ARHGEF7: variants seen among roughly 807,000 people sequenced by gnomAD.
The protein encoded by ARHGEF7 is PAK-interacting exchange factor beta.
A neutral mutation model predicts 109.8 loss-of-function variants in ARHGEF7; 33 were observed. The ratio of observed to expected loss-of-function variants is 0.30; its 90% CI spans 0.23 to 0.40. ARHGEF7 has a LOEUF of 0.40. Among genes scored for constraint, ARHGEF7 ranks in the 10% least tolerant of loss-of-function variants. ARHGEF7 has a pLI of 1.00. For missense variants in ARHGEF7, 938 were observed against 1,098.5 expected, an observed-to-expected ratio of 0.85 and a Z score of 2.07; for synonymous variants, 458 against 424.6, an observed-to-expected ratio of 1.08 and a Z score of -0.97.
In ARHGEF7 at chr13:111,204,251, G is replaced by A. The variant is rs150466115; in HGVS notation, c.253-1038G>A. Among the ~76,000 whole-genome samples the A allele has an allele frequency of 9.1e-4, 139 of 152,274 alleles. 2 individuals are homozygous for A. The East Asian group carries it at 0.022, about 24-fold the overall frequency. Reference sequence around the variant, plus strand: ...GAGGGCAGGACTGACAGGAGGAGACGACAGCCCTGGAGAGAAGGTGGGGCC... The same window carrying A: ...GAGGGCAGGACTGACAGGAGGAGACAACAGCCCTGGAGAGAAGGTGGGGCC... On this transcript the variant is annotated intron_variant, in intron 2 of 21. Coordinates refer to ENST00000646102, the MANE Select transcript of ARHGEF7 (RefSeq NM_001354046.2).
chr13:111,145,828 C>T lies in ARHGEF7; in HGVS notation c.166-8077C>T, dbSNP rs1032336585. ...ACGGGCTGTGTAGTTTTGGACCTGA[C>T]ATTTCAGCTGTCTGAGTCCCTGTTT... On this transcript the variant is annotated intron_variant, in intron 1 of 21. Transcript: ENST00000646102. This position sits in a 1 kb window ranked among gnomAD's most constrained non-coding sequence, Gnocchi z 4.3. Among the ~76,000 whole-genome samples the T allele has an allele frequency of 1.3e-5, 2 of 152,238 alleles. No individual in the cohort carries two copies. Among genetic ancestry groups the T allele is most frequent in the Admixed American group, 6.5e-5 (1 of 15,288 alleles).
In ARHGEF7 at chr13:111,280,280, T is replaced by A. The variant is rs762067247; in HGVS notation, c.1515T>A (p.Leu505=). The change falls in exon 14 of 22, where the codon CTT becomes CTA. Residue 505 remains leucine (L), a synonymous_variant. Coordinates refer to ENST00000646102, the MANE Select transcript of ARHGEF7 (RefSeq NM_001354046.2). ...RMSGFIYQGK[L]PTTGMTITKL... ...GGGGGGGTCTTTTTTAGGGAAAGCT[T>A]CCAACGACAGGAATGACAATCACAA... The A allele has an allele frequency of 6.2e-7, 1 of 1,611,740 alleles. No homozygotes were observed. The highest frequency in any genetic ancestry group is 1.1e-5 in the South Asian group (1 of 90,184).
intron 2 of ARHGEF7, among the ~76,000 whole-genome samples, chr13:111,200,979 G>T (rs1389142753): frequency 6.6e-6 from 1 of 152,014 alleles, no homozygotes; most frequent in East Asian, 1.9e-4. Context: ...TCTTTGGCTC[G>T]GGGGGGATTT....
intron 8 of ARHGEF7, among the ~76,000 whole-genome samples, chr13:111,253,640 G>C (rs2090059015): frequency 6.6e-6 from 1 of 152,144 alleles, no homozygotes. Context: ...AATAGTGAGG[G>C]TGCCTGGATC....
At chr13:111,192,481 C>T (rs1385409171) in intron 2 of ARHGEF7, among the ~76,000 whole-genome samples, 5 of 151,458 alleles carry the variant, frequency 3.3e-5, no homozygotes, top group Non-Finnish European at 5.9e-5. Flanking sequence ...TGAAGTAGGA[C>T]GTCATTTGTG....
At chr13:111,253,121 T>A (rs552446591) in intron 8 of ARHGEF7, among the ~76,000 whole-genome samples, 1 of 152,258 alleles carries the variant, frequency 6.6e-6, no homozygotes. Flanking sequence ...AGATAGTGAG[T>A]GCTCTCTCAG....
Position 111,142,807 on chromosome 13 carries a change from T to A in ARHGEF7, c.166-11098T>A, listed in dbSNP as rs539967651. On this transcript the variant is annotated intron_variant, in intron 1 of 21. Coordinates refer to ENST00000646102, the MANE Select transcript of ARHGEF7 (RefSeq NM_001354046.2). ...CCTCTCCAAAATGAGCCTGCCTCTTTGCATGCCTTCAAATCCCCCACAAGT... is the reference window on the plus strand; with the variant it reads ...CCTCTCCAAAATGAGCCTGCCTCTTAGCATGCCTTCAAATCCCCCACAAGT... Among the ~76,000 whole-genome samples the A allele has an allele frequency of 2.2e-3, 334 of 152,360 alleles. 1 individual carries two copies. Among genetic ancestry groups the A allele is most frequent in the African/African-American group, 7.1e-3 (296 of 41,586 alleles).
At chr13:111,221,637 TC>T (rs1217801964) in intron 5 of ARHGEF7, among the ~76,000 whole-genome samples, 1 of 95,076 alleles carries the variant, frequency 1.1e-5, no homozygotes, top group African/African-American at 3.8e-5. Flanking sequence ...TATATGTATC[TC>T]CCCTTTATAT....
chr13:111,274,583 T>C, intron 10 of ARHGEF7, 148 bp from the exon 11 acceptor site: 1 of 424,908 alleles, frequency 2.4e-6, no homozygotes, highest in Non-Finnish European at 4.1e-6. Flanking sequence ...CGTGATTTGC[T>C]GAAAGACTGA....
intron 8 of ARHGEF7, among the ~76,000 whole-genome samples, chr13:111,248,256 C>G (rs185274585): frequency 1.3e-5 from 2 of 152,042 alleles, no homozygotes; most frequent in Admixed American, 1.3e-4. Context: ...TTGATTGTAT[C>G]TGATGATGAC....
intron 13 of ARHGEF7, among the ~76,000 whole-genome samples, chr13:111,279,887 A>T (rs1006928647): frequency 1.3e-5 from 2 of 152,196 alleles, no homozygotes; most frequent in Non-Finnish European, 2.9e-5. Context: ...TTTCTTTACG[A>T]GGAAAATACA....
intron 16 of ARHGEF7, 124 bp downstream of exon 16, chr13:111,283,487 G>C: frequency 7.1e-7 from 1 of 1,411,500 alleles, no homozygotes; most frequent in Non-Finnish European, 9.3e-7. Flanking sequence ...GAACTGAGAA[G>C]GGGGGGTCTG....
At chr13:111,162,068 C>CTT (rs1463218162) in intron 2 of ARHGEF7, among the ~76,000 whole-genome samples, 4 of 152,198 alleles carry the variant, frequency 2.6e-5, no homozygotes, top group Non-Finnish European at 4.4e-5. Flanking sequence ...AAGGTGGGGG[C>CTT]TTTCAAAGGC....
intron 2 of ARHGEF7, among the ~76,000 whole-genome samples, chr13:111,185,877 G>A (rs1289276280): frequency 6.6e-6 from 1 of 152,132 alleles, no homozygotes; most frequent in Non-Finnish European, 1.5e-5. Flanking sequence ...GGCTGGCAGT[G>A]TGGTGGTGTG....
chr13:111,294,839 A>T (rs759437731), intron 19 of ARHGEF7: 141 of 985,732 alleles, frequency 1.4e-4, no homozygotes, highest in Non-Finnish European at 1.7e-4. Context: ...AGCCATCACC[A>T]GGCCTTTGCA....
At chr13:111,269,966 C>T (rs2092004300) in intron 9 of ARHGEF7, among the ~76,000 whole-genome samples, 2 of 152,172 alleles carry the variant, frequency 1.3e-5, no homozygotes, top group Non-Finnish European at 2.9e-5. Flanking sequence ...TCTGCTCATG[C>T]TGTGGAGTAA....
intron 1 of ARHGEF7, chr13:111,143,717 G>T (rs1439347855): frequency 6.6e-6 from 1 of 152,220 alleles, no homozygotes; most frequent in African/African-American, 2.4e-5. Context: ...TGGAATGGTG[G>T]CTGCCGATGG....
At chr13:111,270,863 A>G (rs1731865365) in intron 9 of ARHGEF7, among the ~76,000 whole-genome samples, 1 of 152,200 alleles carries the variant, frequency 6.6e-6, no homozygotes, top group South Asian at 2.1e-4. Context: ...TCCTGTCTGA[A>G]GCCCTCATGT....
intron 19 of ARHGEF7, chr13:111,295,229 G>A (rs2093401327): frequency 3.1e-6 from 3 of 983,454 alleles, no homozygotes; most frequent in South Asian, 9.4e-5. Context: ...TGGGGGAGGG[G>A]AATAGCATAG....
Sources: allele counts gnomAD v4.1 joint callset (sites outside exome capture counted in the v4.1 genomes callset), GRCh38; gene constraint gnomAD v4.1.1; non-coding constraint Gnocchi (gnomAD v3.1); transcripts MANE v1.5; gene names NCBI Gene and HGNC (gene_info 2026-07-23, HGNC 2026-07-21).